ZNF407: variants seen among roughly 807,000 people sequenced by gnomAD.
ZNF407 encodes zinc finger protein 407.
Under a neutral mutation model 131.2 loss-of-function variants are expected in ZNF407, and 17 were observed. The observed-to-expected ratio is 0.13, with a 90% confidence interval of 0.09 to 0.19. ZNF407 has a LOEUF of 0.19. Among genes scored for constraint, ZNF407 ranks in the 10% least tolerant of loss-of-function variants. The pLI, the probability that ZNF407 is intolerant of heterozygous loss-of-function variation, is 1.00. For synonymous variants in ZNF407, 1,156 were observed against 1,062.0 expected, an observed-to-expected ratio of 1.09 and a Z score of -1.72; for missense variants, 2,681 against 2,830.6, an observed-to-expected ratio of 0.95 and a Z score of 1.20.
At chr18:74,836,594 G>A (rs552592755) in intron 4 of ZNF407, among the ~76,000 whole-genome samples, 2 of 152,324 alleles carry the variant, frequency 1.3e-5, no homozygotes, top group African/African-American at 2.4e-5. Context: ...CAGAAGGAGG[G>A]TCGATGCCTC....
intron 3 of ZNF407, among the ~76,000 whole-genome samples, chr18:74,764,877 A>G (rs1265073654): frequency 1.3e-5 from 2 of 152,356 alleles, no homozygotes; most frequent in South Asian, 2.1e-4. Flanking sequence ...TAAGAAAATC[A>G]TAAGAAATAG....
intron 3 of ZNF407, among the ~76,000 whole-genome samples, chr18:74,772,789 G>A (rs561956761): frequency 9.5e-4 from 144 of 152,218 alleles, no homozygotes; most frequent in Non-Finnish European, 1.7e-3. Flanking sequence ...GTGTCACGGG[G>A]GTATGTGGAG....
chr18:74,706,966 T>G (rs1315192214), intron 3 of ZNF407, among the ~76,000 whole-genome samples: 1 of 111,664 alleles, frequency 9.0e-6, no homozygotes, highest in Non-Finnish European at 1.9e-5. Flanking sequence ...TTTTTTTTTT[T>G]TGAGATGGAG....
chr18:74,856,966 C>G (rs916309132), intron 4 of ZNF407, among the ~76,000 whole-genome samples: 2 of 152,140 alleles, frequency 1.3e-5, no homozygotes, highest in East Asian at 1.9e-4. Context: ...ACTAAACAAC[C>G]GTGGGCTAAA....
intron 7 of ZNF407, among the ~76,000 whole-genome samples, chr18:74,909,123 CAAA>C (rs11385324): frequency 1.4e-5 from 2 of 147,016 alleles, no homozygotes; most frequent in South Asian, 2.1e-4. Flanking sequence ...ATAAACAGGC[CAAA>C]AAAAAAAGAA....
chr18:74,857,735 A>G (rs1443585493), intron 4 of ZNF407, among the ~76,000 whole-genome samples: 1 of 152,176 alleles, frequency 6.6e-6, no homozygotes, highest in East Asian at 1.9e-4. Context: ...TAAATTAATG[A>G]AGTACTGAGT....
intron 4 of ZNF407, among the ~76,000 whole-genome samples, chr18:74,818,486 T>G (rs1162488880): frequency 6.6e-6 from 1 of 152,244 alleles, no homozygotes; most frequent in Non-Finnish European, 1.5e-5. Context: ...TAACCTGAGT[T>G]TGATTTTTTG....
At chr18:74,846,408 C>T (rs951799690) in intron 4 of ZNF407, among the ~76,000 whole-genome samples, 7 of 151,332 alleles carry the variant, frequency 4.6e-5, no homozygotes, top group Non-Finnish European at 7.4e-5. Flanking sequence ...GGTGCTATCT[C>T]GGCTCACTGC....
intron 3 of ZNF407, among the ~76,000 whole-genome samples, chr18:74,688,017 T>G (rs1020367581): frequency 3.3e-5 from 5 of 152,196 alleles, no homozygotes; most frequent in African/African-American, 4.8e-5. Flanking sequence ...AGAACTGACC[T>G]GCACTTTAGT....
chr18:74,814,827 T>C (rs1970245337), intron 4 of ZNF407, among the ~76,000 whole-genome samples: 1 of 152,172 alleles, frequency 6.6e-6, no homozygotes. Flanking sequence ...GAGTGGTCTC[T>C]ATAGTACTTT....
At chr18:74,966,414 A>T (rs1297461876) in intron 8 of ZNF407, among the ~76,000 whole-genome samples, 1 of 152,200 alleles carries the variant, frequency 6.6e-6, no homozygotes, top group Non-Finnish European at 1.5e-5. Context: ...CATTTATTGA[A>T]GAGGCTGTCT....
intron 8 of ZNF407, among the ~76,000 whole-genome samples, chr18:74,959,374 T>C (rs1972313089): frequency 2.0e-5 from 3 of 152,226 alleles, no homozygotes; most frequent in Admixed American, 6.5e-5. Flanking sequence ...GAATTTGGAC[T>C]CTGGCTCCTA....
intron 3 of ZNF407, among the ~76,000 whole-genome samples, chr18:74,733,957 C>G (rs941822399): frequency 1.3e-5 from 2 of 151,924 alleles, no homozygotes; most frequent in Admixed American, 6.6e-5. Context: ...TTCTGAGAAG[C>G]CTTAGGCCCT....
rs1984252072 is a variant in ZNF407, at chr18:74,633,503, C to T, written c.2484C>T (p.Thr828=). The change falls in exon 2 of 9, where the codon ACC becomes ACT. Residue 828 remains threonine (T), a synonymous_variant. Transcript: ENST00000299687. ...AACTGTCACAGTCTGGTGGTAGCACCAAAGATGATGAATTAGCTTCAACCA... is the reference window on the plus strand; with the variant it reads ...AACTGTCACAGTCTGGTGGTAGCACTAAAGATGATGAATTAGCTTCAACCA... ...SEELSQSGGS[T]KDDELASTTT... 7 of 1,613,850 alleles carry T rather than the reference C, an allele frequency of 4.3e-6. No homozygotes were observed. In the East Asian group the frequency reaches 8.9e-5, roughly 21 times the overall value.
At chr18:74,877,428 C>T in intron 5 of ZNF407, 65 bp downstream of exon 5, 1 of 1,454,752 alleles carries the variant, frequency 6.9e-7, no homozygotes, top group Non-Finnish European at 9.5e-7. Flanking sequence ...ACTGTGGGAA[C>T]AGAGGCATTA....
chr18:74,977,832 T>G (rs1599274579), intron 8 of ZNF407, among the ~76,000 whole-genome samples: 2 of 152,374 alleles, frequency 1.3e-5, no homozygotes, highest in East Asian at 1.9e-4. Flanking sequence ...GATCCATGAC[T>G]CTTACTGTGG....
chr18:74,829,345 T>C (rs923325495), intron 4 of ZNF407, among the ~76,000 whole-genome samples: 9 of 152,250 alleles, frequency 5.9e-5, no homozygotes, highest in Non-Finnish European at 1.3e-4. Flanking sequence ...AACCTACGAA[T>C]TCCCTTTGTA....
chr18:74,821,322 C>T (rs1237821518), intron 4 of ZNF407, among the ~76,000 whole-genome samples: 1 of 151,930 alleles, frequency 6.6e-6, no homozygotes, highest in Non-Finnish European at 1.5e-5. Flanking sequence ...CAGAACATTG[C>T]AGTTTTGTTA....
intron 8 of ZNF407, among the ~76,000 whole-genome samples, chr18:75,037,006 A>G (rs748064114): frequency 6.6e-6 from 1 of 152,200 alleles, no homozygotes; most frequent in Non-Finnish European, 1.5e-5. Flanking sequence ...CAATCAGTCC[A>G]TCTGGGTAAA....
Sources: gnomAD v4.1 joint callset for allele counts (sites outside exome capture counted in the v4.1 genomes callset) on GRCh38, gnomAD v4.1.1 for gene constraint, MANE v1.5 for transcripts, NCBI Gene and HGNC (gene_info 2026-07-23, HGNC 2026-07-21) for gene names.